The following ATXN2 variants were observed in gnomAD, a reference collection of about 807,000 sequenced individuals.
ATXN2 encodes ataxin 2.
A neutral mutation model predicts 138.6 loss-of-function variants in ATXN2; 37 were observed. The ratio of observed to expected loss-of-function variants is 0.27; its 90% CI spans 0.21 to 0.35. ATXN2 has a LOEUF of 0.35. ATXN2 is among the 10% of genes least tolerant of loss of function. The pLI is 1.00. For missense variants in ATXN2, 1,216 were observed against 1,480.3 expected (o/e 0.82, Z 2.93); for synonymous variants, 549 against 543.7 (o/e 1.01, Z -0.13).
At chr12:111,545,807 T>C (rs193217381) in intron 5 of ATXN2, among the ~76,000 whole-genome samples, 213 of 151,720 alleles carry the variant, frequency 1.4e-3, no homozygotes, top group Non-Finnish European at 2.1e-3. Context: ...AAAATATAAA[T>C]ATAAAAAATT....
intron 20 of ATXN2, among the ~76,000 whole-genome samples, chr12:111,467,071 T>C (rs892398185): frequency 1.3e-5 from 2 of 152,056 alleles, no homozygotes; most frequent in African/African-American, 4.8e-5. Context: ...ACTGCAGATT[T>C]AATGAAGAAC....
At chr12:111,594,383 G>A (rs1007717150) in intron 1 of ATXN2, among the ~76,000 whole-genome samples, 1 of 150,948 alleles carries the variant, frequency 6.6e-6, no homozygotes, top group African/African-American at 2.4e-5. Flanking sequence ...CTGTCTCCCA[G>A]GCTGGAGTGC....
intron 1 of ATXN2, among the ~76,000 whole-genome samples, chr12:111,590,894 A>G (rs1322879724): frequency 2.1e-5 from 3 of 145,388 alleles, no homozygotes; most frequent in African/African-American, 7.5e-5. Flanking sequence ...AGGTGGAACA[A>G]TTTTTTTTTT....
At chr12:111,567,145 T>C (rs1262752176) in intron 1 of ATXN2, among the ~76,000 whole-genome samples, 4 of 151,878 alleles carry the variant, frequency 2.6e-5, no homozygotes, top group Non-Finnish European at 4.4e-5. Context: ...TTTCTTAAGA[T>C]GGAATCTACA....
intron 1 of ATXN2, chr12:111,597,650 C>T: frequency 6.6e-6 from 3 of 454,968 alleles, no homozygotes; most frequent in East Asian, 7.0e-5. Context: ...TGCACAAACA[C>T]ACCCTCGAGT....
At chr12:111,515,740 T>C (rs1007659372) in intron 10 of ATXN2, among the ~76,000 whole-genome samples, 4 of 152,132 alleles carry the variant, frequency 2.6e-5, no homozygotes, top group African/African-American at 9.7e-5. Flanking sequence ...GAAAACACCA[T>C]CCCTGCTTAT....
chr12:111,545,906 A>G (rs1881775372), intron 5 of ATXN2, among the ~76,000 whole-genome samples: 1 of 150,688 alleles, frequency 6.6e-6, no homozygotes, highest in Non-Finnish European at 1.5e-5. Context: ...TCGAGGCTGC[A>G]GTGAGCTGTG....
At chr12:111,571,593 A>C (rs897151217) in intron 1 of ATXN2, among the ~76,000 whole-genome samples, 26 of 152,288 alleles carry the variant, frequency 1.7e-4, no homozygotes, top group African/African-American at 6.3e-4. Context: ...CTTGATTTAA[A>C]TGGAGGTCAT....
chr12:111,452,742 T>C lies in ATXN2; in HGVS notation c.*70A>G, dbSNP rs1874748986. 4 of 1,457,306 alleles carry C rather than the reference T, an allele frequency of 2.7e-6. No homozygotes were observed. In the East Asian group the frequency reaches 9.1e-5, roughly 33 times the overall value. The allele number at this position is 1,457,306 out of a possible 1,614,324, so 90.3% of individuals were successfully genotyped here. On this transcript the variant is annotated 3_prime_UTR_variant, in exon 25 of 25. Transcript: ENST00000673436. The stretch of plus-strand genomic sequence containing the variant: ...CAAAATAAATGAAATTCTAGTTTTC[T>C]GTGCTTCCAGTTGGTAGAAGCAGTA...
intron 14 of ATXN2, among the ~76,000 whole-genome samples, chr12:111,495,325 A>C (rs1183048180): frequency 6.6e-6 from 1 of 151,762 alleles, no homozygotes; most frequent in Non-Finnish European, 1.5e-5. Context: ...AAAAAAAAAA[A>C]AACCAAAGAT....
At chr12:111,578,913 A>C (rs755814504) in intron 1 of ATXN2, among the ~76,000 whole-genome samples, 3 of 152,066 alleles carry the variant, frequency 2.0e-5, no homozygotes, top group Admixed American at 6.6e-5. Flanking sequence ...GTGGTGGTAC[A>C]TGCCTGTGGT....
chr12:111,599,556 G>A (rs1885165621), upstream of ATXN2: 3 of 1,178,926 alleles, frequency 2.5e-6, no homozygotes, highest in Admixed American at 9.2e-5. Context: ...GAGCGGAGGT[G>A]CGGATAGGGA....
At chr12:111,542,216 T>A (rs1176828166) in intron 5 of ATXN2, among the ~76,000 whole-genome samples, 1 of 150,938 alleles carries the variant, frequency 6.6e-6, no homozygotes, top group East Asian at 1.9e-4. Flanking sequence ...AATCTTCAAT[T>A]TATCCCCATG....
intron 14 of ATXN2, among the ~76,000 whole-genome samples, chr12:111,501,609 A>G (rs1184651591): frequency 6.6e-6 from 1 of 152,216 alleles, no homozygotes; most frequent in East Asian, 1.9e-4. Context: ...TGCATTACCA[A>G]TATAGCTAAA....
intron 1 of ATXN2, among the ~76,000 whole-genome samples, chr12:111,559,779 A>G (rs1432730416): frequency 8.2e-6 from 1 of 122,596 alleles, no homozygotes; most frequent in African/African-American, 6.3e-5. Flanking sequence ...TCAAAAAACA[A>G]AAAAAAAAAA....
intron 1 of ATXN2, among the ~76,000 whole-genome samples, chr12:111,589,130 C>T (rs1160804191): frequency 6.8e-6 from 1 of 147,236 alleles, no homozygotes; most frequent in Non-Finnish European, 1.5e-5. Context: ...GCCTGGCCAA[C>T]ATGATGAAAC....
intron 5 of ATXN2, among the ~76,000 whole-genome samples, chr12:111,535,376 G>A (rs1881090326): frequency 6.6e-6 from 1 of 152,142 alleles, no homozygotes; most frequent in African/African-American, 2.4e-5. Flanking sequence ...TGTAATCCCA[G>A]CAATTTGGGA....
At chr12:111,526,138 A>G (rs987149601) in intron 5 of ATXN2, among the ~76,000 whole-genome samples, 6 of 151,714 alleles carry the variant, frequency 4.0e-5, no homozygotes, top group African/African-American at 1.5e-4. Context: ...CAGGTGGATC[A>G]TGAGGTTAAG....
chr12:111,511,753 T>C (rs1879536205), intron 11 of ATXN2: 1 of 151,142 alleles, frequency 6.6e-6, no homozygotes, highest in Admixed American at 6.6e-5. Context: ...CGTGAGCCAC[T>C]GCGCCTGACC....
Sources: allele counts gnomAD v4.1 joint callset (sites outside exome capture counted in the v4.1 genomes callset), GRCh38; gene constraint gnomAD v4.1.1; transcripts MANE v1.5; gene names NCBI Gene and HGNC (gene_info 2026-07-23, HGNC 2026-07-21).